Variants in AUTS2 observed in about 807,000 individuals in gnomAD.
AUTS2 encodes the protein activator of transcription and developmental regulator AUTS2.
AUTS2 carries 17 observed loss-of-function variants against 112.4 expected under a neutral mutation model. That is an observed-to-expected ratio of 0.15 (90% CI 0.10 to 0.23). The LOEUF is 0.23. Ranked by LOEUF, AUTS2 falls within the 10% of genes least tolerant of loss-of-function variation. The pLI is 1.00. For missense variants in AUTS2, 1,510 were observed against 1,701.6 expected, an observed-to-expected ratio of 0.89 and a Z score of 1.98; for synonymous variants, 751 against 702.7, an observed-to-expected ratio of 1.07 and a Z score of -1.09.
intron 2 of AUTS2, among the ~76,000 whole-genome samples, chr7:70,076,642 G>C (rs1177647134): frequency 6.6e-6 from 1 of 152,178 alleles, no homozygotes; most frequent in African/African-American, 2.4e-5. Context: ...GAATTGACTT[G>C]TGGATCAAAT....
chr7:70,070,278 CAGAA>C (rs1802693501), intron 2 of AUTS2, among the ~76,000 whole-genome samples: 1 of 151,996 alleles, frequency 6.6e-6, no homozygotes, highest in South Asian at 2.1e-4. Flanking sequence ...TAAATTTAAA[CAGAA>C]AGTATTTCAA....
intron 4 of AUTS2, among the ~76,000 whole-genome samples, chr7:70,247,685 G>A (rs937791076): frequency 6.6e-6 from 1 of 152,074 alleles, no homozygotes; most frequent in Non-Finnish European, 1.5e-5. Context: ...TGTATATGCA[G>A]TAATGTCATA....
intron 2 of AUTS2, among the ~76,000 whole-genome samples, chr7:70,051,481 C>T (rs1162661597): frequency 6.6e-6 from 1 of 152,112 alleles, no homozygotes. Flanking sequence ...GTTTGGGAGG[C>T]CGAGGCAGGT....
chr7:69,696,337 T>C (rs1460768387), intron 1 of AUTS2, among the ~76,000 whole-genome samples: 1 of 152,216 alleles, frequency 6.6e-6, no homozygotes, highest in East Asian at 1.9e-4. Flanking sequence ...CCTTCTCTAA[T>C]GCTGGCCAAG....
At chr7:70,728,428 G>A (rs115630885) in intron 6 of AUTS2, among the ~76,000 whole-genome samples, 7 of 152,066 alleles carry the variant, frequency 4.6e-5, no homozygotes, top group Admixed American at 2.0e-4. Flanking sequence ...TCTGGAGGCC[G>A]GGCATGGTGG....
At chr7:70,004,073 A>G (rs1227200197) in intron 2 of AUTS2, among the ~76,000 whole-genome samples, 3 of 129,138 alleles carry the variant, frequency 2.3e-5, no homozygotes, top group Non-Finnish European at 3.1e-5. Context: ...TATATATTAT[A>G]TATGAATGTG....
At chr7:69,644,268 G>T (rs1232957403) in intron 1 of AUTS2, among the ~76,000 whole-genome samples, 1 of 152,078 alleles carries the variant, frequency 6.6e-6, no homozygotes, top group Non-Finnish European at 1.5e-5. Flanking sequence ...GCATTTAATT[G>T]CAGTCATTCC....
At chr7:70,646,664 G>A (rs1300908414) in intron 5 of AUTS2, among the ~76,000 whole-genome samples, 2 of 152,238 alleles carry the variant, frequency 1.3e-5, no homozygotes, top group African/African-American at 2.4e-5. Flanking sequence ...CTGAATCATT[G>A]CCATTTGTGC....
At chr7:70,648,192 A>G (rs1806279113) in intron 5 of AUTS2, among the ~76,000 whole-genome samples, 1 of 152,236 alleles carries the variant, frequency 6.6e-6, no homozygotes, top group East Asian at 1.9e-4. Flanking sequence ...TCCTAGGCCC[A>G]GGATGAATGT....
chr7:70,068,239 G>T (rs1034899458), intron 2 of AUTS2, among the ~76,000 whole-genome samples: 4 of 149,774 alleles, frequency 2.7e-5, no homozygotes, highest in African/African-American at 9.9e-5. Flanking sequence ...GTGCAGTGGC[G>T]CCATCTCAGC....
chr7:70,408,215 A>G (rs997287447), intron 4 of AUTS2, among the ~76,000 whole-genome samples: 3 of 152,074 alleles, frequency 2.0e-5, no homozygotes, highest in African/African-American at 7.2e-5. Flanking sequence ...CTGGAAAACA[A>G]AACATCACTT....
chr7:70,670,658 C>A (rs1807587986), intron 5 of AUTS2, among the ~76,000 whole-genome samples: 1 of 118,820 alleles, frequency 8.4e-6, no homozygotes, highest in East Asian at 2.9e-4. Flanking sequence ...TTGGCTGACA[C>A]CTCCATAAAT....
intron 1 of AUTS2, among the ~76,000 whole-genome samples, chr7:69,728,330 C>T (rs1207679505): frequency 2.0e-5 from 3 of 152,230 alleles, no homozygotes; most frequent in Non-Finnish European, 4.4e-5. Context: ...AAACCACCAA[C>T]TTGAAATCTA....
chr7:70,449,784 C>T lies in AUTS2; in HGVS notation c.690+14003C>T, dbSNP rs376840712. Among the ~76,000 whole-genome samples, 23 of 152,224 alleles carry T rather than the reference C, an allele frequency of 1.5e-4. 1 individual carries two copies. The highest frequency in any genetic ancestry group is 4.1e-4 in the African/African-American group (17 of 41,540). ...TCTATCTTGCTTAAGCTATTAAAAG[C>T]CATAGAAATACACAGGATTTTGTAG... On this transcript the variant is annotated intron_variant, in intron 5 of 18. Coordinates refer to ENST00000342771, the MANE Select transcript of AUTS2 (RefSeq NM_015570.4).
intron 1 of AUTS2, among the ~76,000 whole-genome samples, chr7:69,822,736 G>A (rs1168636864): frequency 6.6e-6 from 1 of 152,172 alleles, no homozygotes; most frequent in African/African-American, 2.4e-5. Flanking sequence ...ACAAAACAAA[G>A]TCTGTGCTGT....
intron 1 of AUTS2, among the ~76,000 whole-genome samples, chr7:69,787,964 G>A (rs1789452279): frequency 6.6e-6 from 1 of 152,220 alleles, no homozygotes; most frequent in South Asian, 2.1e-4. Context: ...TTTTCAGAGG[G>A]GCATTATTCT....
chr7:69,690,781 T>C (rs979629860), intron 1 of AUTS2, among the ~76,000 whole-genome samples: 4 of 152,232 alleles, frequency 2.6e-5, no homozygotes, highest in African/African-American at 4.8e-5. Flanking sequence ...AATGTGGCTA[T>C]TGGGGGTTGT....
At chr7:69,635,780 C>T (rs1794491120) in intron 1 of AUTS2, among the ~76,000 whole-genome samples, 1 of 152,238 alleles carries the variant, frequency 6.6e-6, no homozygotes, top group Non-Finnish European at 1.5e-5. Flanking sequence ...GCCTCTTTCG[C>T]TGTATTTTAC....
chr7:69,785,957 A>C (rs1350622859), intron 1 of AUTS2, among the ~76,000 whole-genome samples: 2 of 152,118 alleles, frequency 1.3e-5, no homozygotes, highest in African/African-American at 4.8e-5. Context: ...CAGCCTCCCA[A>C]GTAGCTGGGA....
Sources: allele counts gnomAD v4.1 joint callset (sites outside exome capture counted in the v4.1 genomes callset), GRCh38; gene constraint gnomAD v4.1.1; transcripts MANE v1.5; gene names NCBI Gene and HGNC (gene_info 2026-07-23, HGNC 2026-07-21).